The following DGLUCY variants were observed in gnomAD, a reference collection of about 807,000 sequenced individuals.
The protein encoded by DGLUCY is D-glutamate cyclase, mitochondrial.
A neutral mutation model predicts 58.5 loss-of-function variants in DGLUCY; 58 were observed. The ratio of observed to expected loss-of-function variants is 0.99; its 90% CI spans 0.80 to 1.23. The LOEUF is 1.23. Ranked by LOEUF, DGLUCY falls within the 50% of genes most tolerant of loss-of-function variation. The pLI is 0.00. For missense variants in DGLUCY, 779 were observed against 784.7 expected, an observed-to-expected ratio of 0.99 and a Z score of 0.09; for synonymous variants, 325 against 314.1, an observed-to-expected ratio of 1.03 and a Z score of -0.37.
At chr14:91,134,244 G>A (rs1306104614) in intron 1 of DGLUCY, among the ~76,000 whole-genome samples, 3 of 152,176 alleles carry the variant, frequency 2.0e-5, no homozygotes, top group Non-Finnish European at 2.9e-5. Context: ...AATTTAGGGA[G>A]AACAGATATA....
At position 91,205,754 on chromosome 14, in the gene DGLUCY, CTCTTCTTCTTCTTCTTCTTCT is replaced by C. The variant is rs34299453; in HGVS notation, c.1564+951_1564+971del. 2.8e-4 allele frequency among the ~76,000 whole-genome samples: 37 copies of C among 129,830 alleles called. No individual in the cohort carries two copies. The South Asian group carries it at 4.7e-3, about 17-fold the overall frequency. 85.2% of individuals were successfully genotyped at this position (129,830 alleles called of 152,430 possible). ...TCATTTTCAAGTAGGCCAGGGCATTCTCTTCTTCTTCTTCTTCTTCTTCTTCTTCTTCTTCTTCTTCTCCGT... is the reference window on the plus strand; with the variant it reads ...TCATTTTCAAGTAGGCCAGGGCATTCTCTTCTTCTTCTTCTTCTTCTCCGT... On this transcript the variant is annotated intron_variant, in intron 12 of 13. Transcript: ENST00000256324.
At chr14:91,154,452 G>A (rs1595779069) in intron 1 of DGLUCY, among the ~76,000 whole-genome samples, 1 of 152,110 alleles carries the variant, frequency 6.6e-6, no homozygotes, top group Admixed American at 6.5e-5. Flanking sequence ...TCTTTGTCGG[G>A]CACCCATGAA....
chr14:91,142,599 G>T (rs1259252573), intron 1 of DGLUCY, among the ~76,000 whole-genome samples: 1 of 151,976 alleles, frequency 6.6e-6, no homozygotes, highest in Non-Finnish European at 1.5e-5. Context: ...GCCTGAAGAG[G>T]TATAACATTG....
chr14:91,170,208 A>ACACAGCC lies in DGLUCY; in HGVS notation c.456+19_456+25dup, dbSNP rs770752089. The ACACAGCC allele has an allele frequency of 1.6e-5, 25 of 1,612,266 alleles. No homozygotes were observed. In the East Asian group the frequency reaches 4.7e-4, roughly 30 times the overall value. On this transcript the variant is annotated splice_region_variant and intron_variant, in intron 5 of 13. Transcript: ENST00000256324. ...CCAGGCGGGTGCATACAAGGTAGGG[A>ACACAGCC]CACAGCCCACAGCCCACAAGGGCAG...
chr14:91,105,848 C>T (rs187110043), upstream of DGLUCY, among the ~76,000 whole-genome samples: 21 of 152,276 alleles, frequency 1.4e-4, no homozygotes, highest in African/African-American at 3.6e-4. Context: ...GCATAGGCTA[C>T]GACACATCTA....
chr14:91,169,867 G>C, intron 4 of DGLUCY, 136 bp from the exon 5 acceptor site: 1 of 845,584 alleles, frequency 1.2e-6, no homozygotes, highest in Non-Finnish European at 1.9e-6. Flanking sequence ...TGAAAACTAT[G>C]CTCCCTACCC....
At chr14:91,201,644 A>G (rs1043978355) in intron 11 of DGLUCY, among the ~76,000 whole-genome samples, 1 of 151,964 alleles carries the variant, frequency 6.6e-6, no homozygotes, top group Non-Finnish European at 1.5e-5. Flanking sequence ...AGGTCTCACT[A>G]TATTGCTCAG....
chr14:91,158,076 T>G (rs1411980643), intron 2 of DGLUCY, among the ~76,000 whole-genome samples: 1 of 152,144 alleles, frequency 6.6e-6, no homozygotes, highest in African/African-American at 2.4e-5. Flanking sequence ...ATGGAAAGCT[T>G]CTCTCTTTGG....
At chr14:91,126,704 A>C (rs2140171025) in intron 1 of DGLUCY, among the ~76,000 whole-genome samples, 1 of 38,278 alleles carries the variant, frequency 2.6e-5, no homozygotes, top group South Asian at 1.3e-3. Context: ...CCACACACAA[A>C]AAAATATGTT....
chr14:91,166,032 T>C (rs1203977892), intron 3 of DGLUCY, among the ~76,000 whole-genome samples: 2 of 152,204 alleles, frequency 1.3e-5, no homozygotes, highest in African/African-American at 4.8e-5. Context: ...AATGCAACAA[T>C]ATGAATGAAT....
chr14:91,078,098 A>C (rs1360247265), intron 1 of DGLUCY, among the ~76,000 whole-genome samples: 1 of 151,996 alleles, frequency 6.6e-6, no homozygotes, highest in East Asian at 1.9e-4. Flanking sequence ...ACTCAATCTC[A>C]GCTCACTGCA....
intron 9 of DGLUCY, chr14:91,189,733 A>C (rs2049751514): frequency 6.4e-6 from 1 of 156,580 alleles, no homozygotes; most frequent in Non-Finnish European, 1.4e-5. Flanking sequence ...ATCAGGCATG[A>C]GCTGGAAGCC....
At chr14:91,221,734 ATTC>A (rs1443807707) in intron 13 of DGLUCY, among the ~76,000 whole-genome samples, 1 of 152,036 alleles carries the variant, frequency 6.6e-6, no homozygotes, top group African/African-American at 2.4e-5. Context: ...TCACCCTACT[ATTC>A]TTTATAACTT....
chr14:91,177,724 A>C (rs924264373), intron 7 of DGLUCY, among the ~76,000 whole-genome samples: 1 of 152,272 alleles, frequency 6.6e-6, no homozygotes, highest in Non-Finnish European at 1.5e-5. Flanking sequence ...GAGTTCAGCT[A>C]TCAGAATGGC....
chr14:91,151,356 C>T (rs1167311018), intron 1 of DGLUCY, among the ~76,000 whole-genome samples: 3 of 152,100 alleles, frequency 2.0e-5, no homozygotes, highest in Non-Finnish European at 4.4e-5. Context: ...TCTCCTAACT[C>T]AGCCTCCCAA....
At chr14:91,194,457 C>G (rs530494584) in intron 9 of DGLUCY, among the ~76,000 whole-genome samples, 1 of 151,768 alleles carries the variant, frequency 6.6e-6, no homozygotes, top group South Asian at 2.1e-4. Flanking sequence ...GTGAGCATCA[C>G]GATGACTAAC....
intron 1 of DGLUCY, among the ~76,000 whole-genome samples, chr14:91,131,097 G>A (rs752063452): frequency 2.0e-4 from 30 of 152,084 alleles, no homozygotes; most frequent in Non-Finnish European, 4.1e-4. Context: ...TTACAGCCAC[G>A]TACTACCACG....
intron 12 of DGLUCY, 126 bp from the exon 13 acceptor site, chr14:91,215,279 C>T (rs11622036): frequency 0.45 from 643,054 of 1,431,212 alleles, 150,238 homozygotes; most frequent in African/African-American, 0.79. Flanking sequence ...TTCTAGCAAG[C>T]TCCCAGATGA....
At chr14:91,180,504 A>G (rs61070773) in intron 7 of DGLUCY, among the ~76,000 whole-genome samples, 13,815 of 150,484 alleles carry the variant, frequency 0.092, 1,834 homozygotes, top group African/African-American at 0.3. Flanking sequence ...CCCAGGAGGC[A>G]GAGGTTGCAG....
Sources: allele counts gnomAD v4.1 joint callset (sites outside exome capture counted in the v4.1 genomes callset), GRCh38; gene constraint gnomAD v4.1.1; transcripts MANE v1.5; gene names NCBI Gene and HGNC (gene_info 2026-07-23, HGNC 2026-07-21).